AMOTL2: variants seen among roughly 807,000 people sequenced by gnomAD.
AMOTL2 encodes angiomotin like 2, also known as angiomotin-like protein 2.
In AMOTL2, 33 loss-of-function variants were observed where a neutral mutation model predicts 78.4. The ratio of observed to expected loss-of-function variants is 0.42; its 90% CI spans 0.32 to 0.56. The LOEUF (loss-of-function observed/expected upper bound fraction) is 0.56, where lower values mean the gene tolerates loss of function less well. AMOTL2 is among the 20% of genes least tolerant of loss of function. The pLI is 0.12. For missense variants in AMOTL2, 983 were observed against 1,030.1 expected, an observed-to-expected ratio of 0.95 and a Z score of 0.63; for synonymous variants, 422 against 428.8, an observed-to-expected ratio of 0.98 and a Z score of 0.20.
Position 134,358,621 on chromosome 3 carries a change from G to T in AMOTL2, c.2203C>A (p.Pro735Thr), listed in dbSNP as rs776095039. ...RDGSTQTEGP[P>T]DSTSTCLPPE... ...GGCAGGCAGGTGGAGGTGCTGTCTGGGGGGCCCTCAGTCTGGGTGCTCCCA... is the reference window on the plus strand; with the variant it reads ...GGCAGGCAGGTGGAGGTGCTGTCTGTGGGGCCCTCAGTCTGGGTGCTCCCA... Residue 735 changes from proline (P) to threonine (T), a missense_variant, in exon 9 of 10, where the codon CCA becomes ACA. Transcript: ENST00000249883. 6.2e-7 allele frequency: 1 copy of T among 1,613,892 alleles called. No homozygotes were observed. The highest frequency in any genetic ancestry group is 8.5e-7 in the Non-Finnish European group (1 of 1,179,918).
intron 8 of AMOTL2, 41 bp from the exon 9 acceptor site, chr3:134,358,760 T>A (rs1221911939): frequency 6.2e-7 from 1 of 1,608,738 alleles, no homozygotes; most frequent in Admixed American, 1.7e-5. Flanking sequence ...GCCTGTAAGA[T>A]GTGGCCCTGG....
In AMOTL2 at chr3:134,358,707, G is replaced by T. The variant is rs1376176819; in HGVS notation, c.2117C>A (p.Pro706His). The change falls in exon 9 of 10, where the codon CCC (proline) becomes CAC (histidine). Residue 706 changes from proline (P) to histidine (H), a missense_variant. Physicochemically the swap from Pro to His is moderately conservative, Grantham distance 77. Coordinates refer to ENST00000249883, the MANE Select transcript of AMOTL2 (RefSeq NM_016201.4). ...PARLTTADRA[P>H]TEEPVVTAPP... Reference sequence around the variant, plus strand: ...AGCTGTGACCACTGGCTCCTCTGTGGGTGCTCTGTCTGCTGGAAAGGTAGG... The same window carrying T: ...AGCTGTGACCACTGGCTCCTCTGTGTGTGCTCTGTCTGCTGGAAAGGTAGG... The T allele has an allele frequency of 6.2e-7, 1 of 1,614,118 alleles. No homozygotes were observed. Among genetic ancestry groups the T allele is most frequent in the South Asian group, 1.1e-5 (1 of 91,078 alleles).
chr3:134,363,029 G>GT (rs2017442049), intron 5 of AMOTL2, among the ~76,000 whole-genome samples: 1 of 152,270 alleles, frequency 6.6e-6, no homozygotes, highest in Non-Finnish European at 1.5e-5. Flanking sequence ...AATGTGGCTA[G>GT]TAAGATGGGA....
chr3:134,371,623 G>T (rs992285117), intron 1 of AMOTL2, 129 bp from the exon 2 acceptor site: 10 of 1,402,002 alleles, frequency 7.1e-6, no homozygotes, highest in Non-Finnish European at 9.3e-6. Context: ...GGGTGGGGCG[G>T]TTCACACAAG....
At position 134,360,110 on chromosome 3, in the gene AMOTL2, T is replaced by C; in HGVS notation, c.1879A>G (p.Ser627Gly). 4 of 1,602,570 alleles carry C rather than the reference T, an allele frequency of 2.5e-6. No homozygotes were observed. The highest frequency in any genetic ancestry group is 3.4e-6 in the Non-Finnish European group (4 of 1,170,496). ...GCCTGGCCTGCAATGCCGAACCTGC[T>C]TTCCATCTCCTGATGCCTGTGGCCA... ...TGGHRHQEME[S>G]RLKVLHAQIL... The change falls in exon 7 of 10, where the codon AGC (serine) becomes GGC (glycine). Residue 627 changes from serine to glycine, a missense_variant. Transcript: ENST00000249883.
At chr3:134,359,698 T>TA (rs1291723965) in intron 7 of AMOTL2, among the ~76,000 whole-genome samples, 195 bp from the exon 8 acceptor site, 2 of 152,162 alleles carry the variant, frequency 1.3e-5, no homozygotes, top group Non-Finnish European at 2.9e-5. Flanking sequence ...TTGATGCTCT[T>TA]AGAGCCCAGG....
At position 134,359,212 on chromosome 3, in the gene AMOTL2, G is replaced by C. The variant is rs2017225047; in HGVS notation, c.2104+71C>G. 3.2e-6 allele frequency: 5 copies of C among 1,541,358 alleles called. No individual in the cohort carries two copies. The East Asian group carries it at 9.0e-5, about 28-fold the overall frequency. ...CTATAGCCTCAGTTCTGGGAGGAAA[G>C]GTCTGGCAATCTGTGTTCAGGCCCA... On this transcript the variant is annotated intron_variant, in intron 8 of 9. Transcript: ENST00000249883.
In AMOTL2 at chr3:134,371,623, GT is replaced by G. The variant is rs976427907; in HGVS notation, c.-61-130del. On this transcript the variant is annotated intron_variant, in intron 1 of 9. Transcript: ENST00000249883. ...AAAAGTGAAGAGCAGGGGTGGGGCG[GT>G]TCACACAAGCCTGGGTTCAAGTACC... is the stretch of plus-strand genomic sequence containing the variant. The G allele has an allele frequency of 1.2e-5, 17 of 1,401,884 alleles. 1 individual carries two copies. Among genetic ancestry groups the G allele is most frequent in the Non-Finnish European group, 9.3e-7 (1 of 1,069,800 alleles). The allele number at this position is 1,401,884 out of a possible 1,614,324, so 86.8% of individuals were successfully genotyped here.
rs758082879 is a variant in AMOTL2, at chr3:134,370,711, A to G, written c.723T>C (p.His241=). Residue 241 remains histidine (H), a synonymous_variant, in exon 2 of 10, where the codon CAT becomes CAC. Coordinates refer to ENST00000249883, the MANE Select transcript of AMOTL2 (RefSeq NM_016201.4). ...GTGGGGAGAGTTACCTGACTTCAGC[A>G]TGCTGGAAGTGCGGGCTGCCGCGGG... The part of the protein sequence containing the change: ...YRARGSPHFQ[H]AEVRILQAQV... 1.3e-6 allele frequency: 2 copies of G among 1,510,518 alleles called. No homozygotes were observed. The highest frequency in any genetic ancestry group is 4.6e-5 in the Admixed American group (2 of 43,950). The allele number at this position is 1,510,518 out of a possible 1,614,324, so 93.6% of individuals were successfully genotyped here.
intron 1 of AMOTL2, among the ~76,000 whole-genome samples, chr3:134,372,901 A>T (rs1214381674): frequency 8.8e-6 from 1 of 114,216 alleles, no homozygotes; most frequent in Non-Finnish European, 1.6e-5. Context: ...ACTAAACAGA[A>T]TCCACACTGC....
At chr3:134,361,413 C>T (rs568605593) in intron 6 of AMOTL2, 99 bp downstream of exon 6, 37 of 1,383,172 alleles carry the variant, frequency 2.7e-5, no homozygotes, top group African/African-American at 2.5e-4. Context: ...CAGGGGCTCC[C>T]GGGGCCTCAG....
At chr3:134,368,949 A>C (rs1044245208) in intron 2 of AMOTL2, among the ~76,000 whole-genome samples, 7 of 152,076 alleles carry the variant, frequency 4.6e-5, no homozygotes, top group African/African-American at 1.7e-4. Context: ...TTTCACAAAG[A>C]ATCTTCCAAG....
chr3:134,367,710 A>T lies in AMOTL2; in HGVS notation c.828T>A (p.His276Gln). 6.2e-7 allele frequency: 1 copy of T among 1,613,554 alleles called. No homozygotes were observed. The highest frequency in any genetic ancestry group is 8.5e-7 in the Non-Finnish European group (1 of 1,179,952). Residue 276 changes from histidine to glutamine, a missense_variant, in exon 3 of 10, where the codon CAT becomes CAA. Coordinates refer to ENST00000249883, the MANE Select transcript of AMOTL2 (RefSeq NM_016201.4). ...QQSQEHPPPP[H>Q]PAALGHGPLS... ...GGGGGCCATGGCCGAGAGCAGCTGGATGTGGGGGAGGGGGGTGCTCCTGAG... is the reference window on the plus strand; with the variant it reads ...GGGGGCCATGGCCGAGAGCAGCTGGTTGTGGGGGAGGGGGGTGCTCCTGAG...
At chr3:134,359,837 C>G (rs979382010) in intron 7 of AMOTL2, among the ~76,000 whole-genome samples, 1 of 152,178 alleles carries the variant, frequency 6.6e-6, no homozygotes, top group African/African-American at 2.4e-5. Flanking sequence ...GGCGGCACTC[C>G]GGAGAGGGGA....
At position 134,359,485 on chromosome 3, in the gene AMOTL2, G is replaced by A; in HGVS notation, c.1902C>T (p.Ala634=). The A allele has an allele frequency of 6.2e-7, 1 of 1,613,696 alleles. No individual in the cohort carries two copies. Among genetic ancestry groups the A allele is most frequent in the Non-Finnish European group, 8.5e-7 (1 of 1,179,924 alleles). ...TCACTGCATCCTTCTCCAGGATCTG[G>A]GCATGGAGCACCTTTAACCTGAGGG... ...EMESRLKVLH[A]QILEKDAVIK... is the part of the protein sequence containing the mutation. Residue 634 remains alanine (A), a synonymous_variant, in exon 8 of 10, where the codon GCC becomes GCT. Transcript: ENST00000249883.
chr3:134,367,350 G>T (rs1318778644), intron 3 of AMOTL2, 147 bp downstream of exon 3: 3 of 936,912 alleles, frequency 3.2e-6, no homozygotes, highest in Non-Finnish European at 4.8e-6. Context: ...TGCATGAGGA[G>T]TGAGGGAGGT....
At chr3:134,371,748 AG>A in intron 1 of AMOTL2, 1 of 489,804 alleles carries the variant, frequency 2.0e-6, no homozygotes, top group Non-Finnish European at 3.4e-6. Context: ...CATGGAGATG[AG>A]GAAAAAAAAA....
In AMOTL2 at chr3:134,369,795, G is replaced by T. The variant is rs550456433; in HGVS notation, c.734+905C>A. Among the ~76,000 whole-genome samples, 7 of 152,304 alleles carry T rather than the reference G, an allele frequency of 4.6e-5. No individual in the cohort carries two copies. The South Asian group carries it at 6.2e-4, about 14-fold the overall frequency. On this transcript the variant is annotated intron_variant, in intron 2 of 9. Transcript: ENST00000249883. ...GGTGGGGTTTCTTGGACTCCCATAG[G>T]GGGAGATGCAGCAGTGATGGCTGTG...
rs762911428 is a variant in AMOTL2 at position 134,371,124 on chromosome 3, G to A, written c.310C>T (p.Leu104=). ...LCPQPSKGEE[L]PTYEEAKAHS... ...GCTTTGGCCTCCTCATAGGTGGGCAGCTCCTCTCCCTTGCTGGGCTGTGGG... is the reference window on the plus strand; with the variant it reads ...GCTTTGGCCTCCTCATAGGTGGGCAACTCCTCTCCCTTGCTGGGCTGTGGG... Residue 104 remains leucine, a synonymous_variant, in exon 2 of 10, where the codon CTG becomes TTG. Transcript: ENST00000249883. The A allele has an allele frequency of 9.9e-6, 16 of 1,613,408 alleles. No individual in the cohort carries two copies. In the South Asian group the frequency reaches 1.8e-4, roughly 18 times the overall value.
Sources: gnomAD v4.1 joint callset for allele counts (sites outside exome capture counted in the v4.1 genomes callset) on GRCh38, gnomAD v4.1.1 for gene constraint, MANE v1.5 for transcripts, NCBI Gene and HGNC (gene_info 2026-07-23, HGNC 2026-07-21) for gene names.